Variants in SCN3A observed in about 807,000 individuals in gnomAD.
SCN3A encodes the protein sodium channel protein type 3 subunit alpha.
In SCN3A, 60 loss-of-function variants were observed where a neutral mutation model predicts 187.6. That is an observed-to-expected ratio of 0.32 (90% CI 0.26 to 0.40). The LOEUF is 0.40. SCN3A is among the 10% of genes least tolerant of loss of function. The probability of loss-of-function intolerance (pLI) is 1.00; values close to 1 mark genes in which losing one functional copy is unlikely to be tolerated. For missense variants in SCN3A, 1,601 were observed against 2,428.2 expected (o/e 0.66, Z 7.16); for synonymous variants, 788 against 829.2 (o/e 0.95, Z 0.85).
chr2:165,102,741 G>A (rs530098908), intron 21 of SCN3A, among the ~76,000 whole-genome samples: 71 of 152,242 alleles, frequency 4.7e-4, no homozygotes, highest in African/African-American at 1.7e-3. Context: ...CACAATATGT[G>A]AGGATCAGAG....
intron 6 of SCN3A, chr2:165,164,036 G>T: frequency 1.3e-6 from 1 of 799,770 alleles, no homozygotes; most frequent in Non-Finnish European, 2.0e-6. Flanking sequence ...GCTAAAGGTT[G>T]CTTTTAAGAA....
chr2:165,130,564 A>G (rs1218185215), intron 16 of SCN3A: 1 of 438,368 alleles, frequency 2.3e-6, no homozygotes, highest in South Asian at 3.0e-5. Flanking sequence ...AGATATGCCC[A>G]TGTAAACAAA....
intron 2 of SCN3A, among the ~76,000 whole-genome samples, chr2:165,178,642 A>G (rs143084229): frequency 0.013 from 1,954 of 152,352 alleles, 23 homozygotes; most frequent in Non-Finnish European, 0.021. Flanking sequence ...AAGTTATAAA[A>G]TAAAATAGCA....
At chr2:165,199,878 A>T (rs962593440) in intron 1 of SCN3A, among the ~76,000 whole-genome samples, 5 of 152,078 alleles carry the variant, frequency 3.3e-5, no homozygotes, top group Admixed American at 3.3e-4. Flanking sequence ...ATAAACAAAG[A>T]ATGTGTTAAT....
chr2:165,121,600 T>C (rs1574145471), intron 18 of SCN3A, among the ~76,000 whole-genome samples: 1 of 152,216 alleles, frequency 6.6e-6, no homozygotes, highest in Admixed American at 6.5e-5. Context: ...ATTCTGCAAC[T>C]AATTCTCAGT....
intron 1 of SCN3A, among the ~76,000 whole-genome samples, chr2:165,188,568 T>C (rs1458429129): frequency 1.3e-5 from 2 of 151,972 alleles, no homozygotes; most frequent in Non-Finnish European, 2.9e-5. Flanking sequence ...GGCGGGTGGA[T>C]CACAAGGTCA....
In SCN3A at chr2:165,176,422, G is replaced by C. The variant is rs762223782; in HGVS notation, c.-28C>G. 2.5e-6 allele frequency: 4 copies of C among 1,613,722 alleles called. No homozygotes were observed. The South Asian group carries it at 4.4e-5, about 18-fold the overall frequency. On this transcript the variant is annotated 5_prime_UTR_variant, in exon 3 of 28. Transcript: ENST00000283254. ...TTTCATCCTGCACATTTAATTACGT[G>C]TAGCTTCTTGCATACGAATTACCTG...
At chr2:165,135,417 T>C (rs1394111922) in intron 15 of SCN3A, among the ~76,000 whole-genome samples, 1 of 152,086 alleles carries the variant, frequency 6.6e-6, no homozygotes, top group African/African-American at 2.4e-5. Flanking sequence ...CACAATTCAG[T>C]GTCCTCATGT....
At position 165,162,815 on chromosome 2, in the gene SCN3A, A is replaced by C; in HGVS notation, c.708T>G (p.Ile236Met). ...TTACCGACTGGATCAGGGCCCCCAC[A>C]ATGGTCTTTAAACCTGCAGAGAGAG... The part of the protein sequence containing the change: ...TISVIPGLKT[I>M]VGALIQSVKK... Residue 236 changes from isoleucine to methionine, a missense_variant, in exon 8 of 28, where the codon ATT (isoleucine) becomes ATG (methionine). By Grantham distance (10) the Ile-to-Met change is conservative. This residue lies in a region of SCN3A where 122 missense variants were observed against 225.1 expected (regional missense o/e 0.54). Coordinates refer to ENST00000283254, the MANE Select transcript of SCN3A (RefSeq NM_006922.4). 6.2e-7 allele frequency: 1 copy of C among 1,614,062 alleles called. No individual in the cohort carries two copies. The highest frequency in any genetic ancestry group is 8.5e-7 in the Non-Finnish European group (1 of 1,179,956).
intron 11 of SCN3A, among the ~76,000 whole-genome samples, chr2:165,152,208 A>C (rs1688725273): frequency 6.6e-6 from 1 of 152,214 alleles, no homozygotes; most frequent in Non-Finnish European, 1.5e-5. Context: ...AGAAAAATTA[A>C]TCAAAACTGA....
At chr2:165,141,137 T>C in intron 12 of SCN3A, 139 bp from the exon 13 acceptor site, 2 of 616,360 alleles carry the variant, frequency 3.2e-6, no homozygotes, top group South Asian at 4.9e-5. Flanking sequence ...ATCAAATTTA[T>C]AGAGGACACA....
chr2:165,180,054 G>A (rs1254570931), intron 2 of SCN3A, among the ~76,000 whole-genome samples: 1 of 151,846 alleles, frequency 6.6e-6, no homozygotes, highest in Non-Finnish European at 1.5e-5. Context: ...AAAAAGATAC[G>A]AAAAAAATCT....
At chr2:165,190,602 TTATA>T (rs369530698) in intron 1 of SCN3A, among the ~76,000 whole-genome samples, 3 of 145,668 alleles carry the variant, frequency 2.1e-5, no homozygotes, top group Admixed American at 6.9e-5. Flanking sequence ...ATATATAACT[TTATA>T]TATATATATA....
At chr2:165,142,118 T>A (rs1455894519) in intron 12 of SCN3A, among the ~76,000 whole-genome samples, 2 of 152,194 alleles carry the variant, frequency 1.3e-5, no homozygotes, top group Non-Finnish European at 2.9e-5. Flanking sequence ...CTCCTTGCTC[T>A]CTCATTCCCT....
rs773745987 is a variant in SCN3A, at chr2:165,140,664, T to C, written c.2006A>G (p.Gln669Arg). 5 of 1,614,000 alleles carry C rather than the reference T, an allele frequency of 3.1e-6. No homozygotes were observed. The highest frequency in any genetic ancestry group is 1.6e-4 in the Middle Eastern group (1 of 6,062). Residue 669 changes from glutamine (Q) to arginine (R), a missense_variant, in exon 13 of 28, where the codon CAA (glutamine) becomes CGA (arginine). By Grantham distance (43) the Gln-to-Arg change is conservative. Around this residue, in one of 11 missense-constraint regions of SCN3A, gnomAD observed 376 missense variants for 476.0 expected, o/e 0.79. Coordinates refer to ENST00000283254, the MANE Select transcript of SCN3A (RefSeq NM_006922.4). The surrounding 1 kb of genome is among the most constrained non-coding windows in gnomAD (Gnocchi z 4.2). ...ATCTATTATCACCTCTGGGGGAAGT[T>C]GTCCAGTAGGTGACGTTAGAGCTGA... ...GPSALTSPTG[Q>R]LPPEGTTTET...
At chr2:165,172,327 A>C (rs1690159869) in intron 3 of SCN3A, among the ~76,000 whole-genome samples, 1 of 152,118 alleles carries the variant, frequency 6.6e-6, no homozygotes, top group Non-Finnish European at 1.5e-5. Flanking sequence ...CTTAACTAAC[A>C]ATTTTCCAGA....
intron 21 of SCN3A, 139 bp from the exon 22 acceptor site, chr2:165,100,563 G>T: frequency 1.3e-6 from 1 of 784,770 alleles, no homozygotes; most frequent in Non-Finnish European, 2.1e-6. Context: ...ACATAGTGGG[G>T]TCATCTTATA....
chr2:165,105,369 G>A (rs1220051370), intron 21 of SCN3A, among the ~76,000 whole-genome samples: 2 of 152,028 alleles, frequency 1.3e-5, no homozygotes, highest in African/African-American at 4.8e-5. Flanking sequence ...TAGTACTGAG[G>A]GGCTTAAATA....
intron 7 of SCN3A, 113 bp from the exon 8 acceptor site, chr2:165,162,941 C>T (rs1353155570): frequency 7.8e-7 from 1 of 1,287,764 alleles, no homozygotes; most frequent in Admixed American, 1.7e-5. Context: ...ATTTAGACAC[C>T]AAAGCTGTAT....
Sources: allele counts gnomAD v4.1 joint callset (sites outside exome capture counted in the v4.1 genomes callset), GRCh38; gene constraint gnomAD v4.1.1; regional missense constraint gnomAD v4.1.1; non-coding constraint Gnocchi (gnomAD v3.1); transcripts MANE v1.5; gene names NCBI Gene and HGNC (gene_info 2026-07-23, HGNC 2026-07-21).